PTPRD: variants seen among roughly 807,000 people sequenced by gnomAD.
PTPRD encodes the protein receptor-type tyrosine-protein phosphatase delta.
In PTPRD, 34 loss-of-function variants were observed where a neutral mutation model predicts 214.5. The ratio of observed to expected loss-of-function variants is 0.16; its 90% CI spans 0.12 to 0.21. The LOEUF (loss-of-function observed/expected upper bound fraction) is 0.21. Ranked by LOEUF, PTPRD falls within the 10% of genes least tolerant of loss-of-function variation. The probability of loss-of-function intolerance (pLI) is 1.00; values close to 1 mark genes in which losing one functional copy is unlikely to be tolerated. For missense variants in PTPRD, 2,545 were observed against 2,398.7 expected, an observed-to-expected ratio of 1.06 and a Z score of -1.27; for synonymous variants, 1,128 against 845.7, an observed-to-expected ratio of 1.33 and a Z score of -5.79.
intron 10 of PTPRD, among the ~76,000 whole-genome samples, chr9:9,116,479 G>C (rs2099812459): frequency 6.6e-6 from 1 of 152,032 alleles, no homozygotes; most frequent in South Asian, 2.1e-4. Flanking sequence ...GGGAGGGTAG[G>C]AGGGGCTGAG....
chr9:8,835,228 G>A (rs956160426), intron 11 of PTPRD, among the ~76,000 whole-genome samples: 4 of 152,226 alleles, frequency 2.6e-5, no homozygotes, highest in Admixed American at 6.5e-5. Context: ...GTCAAGATGA[G>A]ACCAAAGATC....
At chr9:10,266,430 G>A (rs923736991) in intron 3 of PTPRD, among the ~76,000 whole-genome samples, 1 of 152,144 alleles carries the variant, frequency 6.6e-6, no homozygotes, top group African/African-American at 2.4e-5. Context: ...TGAGGCTAAG[G>A]AACATGGTAG....
intron 11 of PTPRD, among the ~76,000 whole-genome samples, chr9:8,986,868 C>A (rs894750123): frequency 6.6e-6 from 1 of 151,934 alleles, no homozygotes; most frequent in Non-Finnish European, 1.5e-5. Context: ...TTTCAGTCAT[C>A]ATTATTTGGT....
chr9:8,493,756 C>A (rs1433959828), intron 26 of PTPRD, among the ~76,000 whole-genome samples: 1 of 152,134 alleles, frequency 6.6e-6, no homozygotes, highest in East Asian at 1.9e-4. Context: ...TTTTGACTTT[C>A]TAAAAATTGT....
chr9:8,837,180 A>G (rs1053943369), intron 11 of PTPRD, among the ~76,000 whole-genome samples: 2 of 151,674 alleles, frequency 1.3e-5, no homozygotes, highest in Non-Finnish European at 2.9e-5. Context: ...ATGACCAGCT[A>G]ATTTTTGTAT....
chr9:10,278,987 G>A (rs745962950), intron 3 of PTPRD, among the ~76,000 whole-genome samples: 1 of 152,058 alleles, frequency 6.6e-6, no homozygotes, highest in Non-Finnish European at 1.5e-5. Flanking sequence ...TGTTAGCCAG[G>A]ATGATCTCGA....
intron 10 of PTPRD, among the ~76,000 whole-genome samples, chr9:9,182,098 C>T (rs559009995): frequency 1.0e-3 from 157 of 152,124 alleles, no homozygotes; most frequent in African/African-American, 3.6e-3. Context: ...TGAATCTTAA[C>T]ATATAAAATT....
chr9:8,513,925 A>C lies in PTPRD; in HGVS notation c.1543+3923T>G, dbSNP rs549793400. On this transcript the variant is annotated intron_variant, in intron 21 of 45. Coordinates refer to ENST00000381196, the MANE Select transcript of PTPRD (RefSeq NM_002839.4). ...TATCTTCTCAATCAACATGTATTAA[A>C]AGTAAAACTATTATGGAAGATTCTT... is the stretch of plus-strand genomic sequence containing the variant. 1.1e-4 allele frequency among the ~76,000 whole-genome samples: 17 copies of C among 152,260 alleles called. No homozygotes were observed. The East Asian group carries it at 2.3e-3, about 21-fold the overall frequency.
intron 36 of PTPRD, among the ~76,000 whole-genome samples, chr9:8,403,046 T>C (rs773957772): frequency 6.6e-6 from 1 of 152,202 alleles, no homozygotes; most frequent in Non-Finnish European, 1.5e-5. Context: ...ATTGTTCAAA[T>C]GCTGAAAGAT....
intron 42 of PTPRD, among the ~76,000 whole-genome samples, chr9:8,339,302 G>T (rs547111091): frequency 6.6e-6 from 1 of 152,040 alleles, no homozygotes; most frequent in Non-Finnish European, 1.5e-5. Flanking sequence ...TAATATACAC[G>T]AGTTGAATTG....
At chr9:8,749,013 A>T (rs939689745) in intron 11 of PTPRD, among the ~76,000 whole-genome samples, 6 of 152,176 alleles carry the variant, frequency 3.9e-5, no homozygotes, top group Non-Finnish European at 7.3e-5. Flanking sequence ...GAAAATATGT[A>T]TTTATATATT....
intron 9 of PTPRD, among the ~76,000 whole-genome samples, chr9:9,275,057 AT>A (rs1569566631): frequency 3.0e-5 from 2 of 65,954 alleles, no homozygotes; most frequent in African/African-American, 1.2e-4. Flanking sequence ...ATATATATGT[AT>A]ATATATATTA....
intron 12 of PTPRD, among the ~76,000 whole-genome samples, chr9:8,653,053 C>A (rs946280415): frequency 6.6e-6 from 1 of 152,110 alleles, no homozygotes; most frequent in African/African-American, 2.4e-5. Flanking sequence ...CTCTGTAGCA[C>A]CTTTGTTCAA....
chr9:9,872,692 C>A (rs191795676), intron 5 of PTPRD, among the ~76,000 whole-genome samples: 65 of 152,176 alleles, frequency 4.3e-4, no homozygotes, highest in Non-Finnish European at 7.9e-4. Flanking sequence ...TAGCACAGTG[C>A]CTGGTACCTT....
At chr9:9,020,301 T>C (rs185463496) in intron 10 of PTPRD, among the ~76,000 whole-genome samples, 231 of 152,284 alleles carry the variant, frequency 1.5e-3, no homozygotes, top group Non-Finnish European at 1.8e-3. Context: ...AATAAATTAA[T>C]GAGAGTTGGT....
At chr9:8,872,306 T>C (rs1471881920) in intron 11 of PTPRD, among the ~76,000 whole-genome samples, 1 of 152,200 alleles carries the variant, frequency 6.6e-6, no homozygotes, top group Non-Finnish European at 1.5e-5. Flanking sequence ...TCCTTTACTC[T>C]GGAGCAACTG....
chr9:8,351,173 A>G (rs2075338043), intron 39 of PTPRD, among the ~76,000 whole-genome samples: 1 of 152,200 alleles, frequency 6.6e-6, no homozygotes, highest in Admixed American at 6.5e-5. Context: ...TCTCCAAAAT[A>G]GCATCTAAGA....
intron 23 of PTPRD, among the ~76,000 whole-genome samples, chr9:8,502,907 G>A (rs2137117700): frequency 6.6e-6 from 1 of 150,900 alleles, no homozygotes; most frequent in South Asian, 2.1e-4. Context: ...GTAAACCATG[G>A]GAAATATAAT....
intron 7 of PTPRD, among the ~76,000 whole-genome samples, chr9:9,649,673 T>G (rs541367364): frequency 2.6e-5 from 4 of 152,346 alleles, no homozygotes; most frequent in African/African-American, 9.6e-5. Flanking sequence ...TCACTCATTT[T>G]GCACTCATTA....
Sources: gnomAD v4.1 joint callset for allele counts (sites outside exome capture counted in the v4.1 genomes callset) on GRCh38, gnomAD v4.1.1 for gene constraint, MANE v1.5 for transcripts, NCBI Gene and HGNC (gene_info 2026-07-23, HGNC 2026-07-21) for gene names.